The following AK9 variants were observed in gnomAD, a reference collection of about 807,000 sequenced individuals.
AK9 encodes the protein adenylate kinase domain containing 1.
In AK9, 191 loss-of-function variants were observed where a neutral mutation model predicts 239.6. That is an observed-to-expected ratio of 0.80 (90% CI 0.71 to 0.90). The LOEUF is 0.90. AK9 is among the 40% of genes least tolerant of loss of function. AK9 has a pLI of 0.00. For synonymous variants in AK9, 689 were observed against 721.0 expected (o/e 0.96, Z 0.71); for missense variants, 1,995 against 2,214.7 (o/e 0.90, Z 1.99).
rs185356851 is a variant in AK9, at chr6:109,497,402, C to T, written c.5315+63G>A. On this transcript the variant is annotated intron_variant, in intron 38 of 40. Transcript: ENST00000424296. ...CTCTCTCTCACACACTCCTCTCCCC[C>T]GTTCCCAGCATGTTGCATGCAACAC... The T allele has an allele frequency of 4.6e-5, 47 of 1,019,934 alleles. No homozygotes were observed. In the African/African-American group the frequency reaches 5.4e-4, roughly 12 times the overall value. 63.2% of individuals were successfully genotyped at this position (1,019,934 alleles called of 1,614,324 possible). A position where few individuals can be genotyped will look rare whatever the true frequency, so the allele number is the denominator to read the frequency against.
intron 17 of AK9, among the ~76,000 whole-genome samples, chr6:109,589,936 T>A (rs1211520162): frequency 6.6e-6 from 1 of 152,122 alleles, no homozygotes; most frequent in Non-Finnish European, 1.5e-5. Flanking sequence ...TGCTGGATTT[T>A]CTTTGTGTAT....
At chr6:109,515,828 T>C (rs1482220800) in intron 31 of AK9, 29 bp downstream of exon 31, 3 of 1,498,398 alleles carry the variant, frequency 2.0e-6, no homozygotes, top group East Asian at 2.5e-5. Context: ...ATAAGGAACA[T>C]GGCTTTCAGG....
intron 21 of AK9, among the ~76,000 whole-genome samples, chr6:109,572,734 A>G (rs1252946441): frequency 6.6e-6 from 1 of 152,198 alleles, no homozygotes; most frequent in Non-Finnish European, 1.5e-5. Flanking sequence ...ATCCAGTTAC[A>G]GGTATCTGAA....
intron 17 of AK9, among the ~76,000 whole-genome samples, chr6:109,603,872 A>T (rs1436534394): frequency 6.6e-6 from 1 of 152,210 alleles, no homozygotes; most frequent in Non-Finnish European, 1.5e-5. Context: ...CCTCCGAGCC[A>T]GGCGCAGGAT....
At chr6:109,623,512 T>G (rs1034150663) in intron 12 of AK9, among the ~76,000 whole-genome samples, 4 of 152,138 alleles carry the variant, frequency 2.6e-5, no homozygotes, top group Non-Finnish European at 4.4e-5. Context: ...AGCCCCAGCC[T>G]AGTGTCAGAT....
At chr6:109,547,846 CAAAAAAAA>C (rs55899214) in intron 25 of AK9, among the ~76,000 whole-genome samples, 3 of 121,850 alleles carry the variant, frequency 2.5e-5, no homozygotes, top group African/African-American at 1.0e-4. Context: ...AGCTCAGTAG[CAAAAAAAA>C]AAAAAAAAAA....
chr6:109,642,844 T>G (rs1797627061), intron 9 of AK9, among the ~76,000 whole-genome samples: 1 of 151,972 alleles, frequency 6.6e-6, no homozygotes, highest in Admixed American at 6.6e-5. Flanking sequence ...CTAGCAGACA[T>G]CCAATTGGAA....
intron 25 of AK9, among the ~76,000 whole-genome samples, chr6:109,546,626 G>C (rs535752613): frequency 4.5e-4 from 69 of 152,334 alleles, no homozygotes; most frequent in African/African-American, 1.6e-3. Flanking sequence ...AGTCTTCTGT[G>C]ATTGTGAGGA....
At chr6:109,582,444 T>C (rs1239460030) in intron 19 of AK9, among the ~76,000 whole-genome samples, 8 of 152,184 alleles carry the variant, frequency 5.3e-5, no homozygotes, top group Non-Finnish European at 1.2e-4. Context: ...CCAACCCTCA[T>C]GGATTACTTT....
rs538495228 is a variant in AK9, at chr6:109,660,233, T to C, written c.445-820A>G. On this transcript the variant is annotated intron_variant, in intron 6 of 40. Coordinates refer to ENST00000424296, the MANE Select transcript of AK9 (RefSeq NM_001145128.3). Reference sequence around the variant, plus strand: ...TATTAATGATGATGGTTTGAGGTTGTAAATTGTGCTCTGAATGTTTTTCAG... The same window carrying C: ...TATTAATGATGATGGTTTGAGGTTGCAAATTGTGCTCTGAATGTTTTTCAG... Among the ~76,000 whole-genome samples, 75 of 152,268 alleles carry C rather than the reference T, an allele frequency of 4.9e-4. 1 individual carries two copies. The highest frequency in any genetic ancestry group is 2.0e-4 in the Admixed American group (3 of 15,288).
intron 27 of AK9, among the ~76,000 whole-genome samples, chr6:109,535,777 T>G (rs1465358991): frequency 6.6e-6 from 1 of 152,256 alleles, no homozygotes; most frequent in Non-Finnish European, 1.5e-5. Context: ...TGAATTAATT[T>G]TTGTATAAGA....
chr6:109,668,205 A>C lies in AK9; in HGVS notation c.331+3714T>G, dbSNP rs548206805. On this transcript the variant is annotated intron_variant, in intron 5 of 40. Coordinates refer to ENST00000424296, the MANE Select transcript of AK9 (RefSeq NM_001145128.3). The stretch of plus-strand genomic sequence containing the variant: ...TTGGCTGCAGAAATGTCTTCTTTTG[A>C]GAAGTGTCTGTTCATATCCTTTGCC... 3.6e-3 allele frequency among the ~76,000 whole-genome samples: 546 copies of C among 150,550 alleles called. 1 individual carries two copies. Among genetic ancestry groups the C allele is most frequent in the South Asian group, 8.6e-3 (41 of 4,772 alleles).
chr6:109,660,080 A>G (rs1800227842), intron 6 of AK9, among the ~76,000 whole-genome samples: 1 of 152,198 alleles, frequency 6.6e-6, no homozygotes, highest in South Asian at 2.1e-4. Flanking sequence ...TACAATTAAA[A>G]CCATCCTTCA....
intron 19 of AK9, 58 bp downstream of exon 19, chr6:109,585,065 A>G (rs201380070): frequency 3.2e-6 from 3 of 943,116 alleles, no homozygotes; most frequent in Non-Finnish European, 3.9e-6. Context: ...TTGCAAGAAG[A>G]TATTTAACTG....
At position 109,516,618 on chromosome 6, in the gene AK9, T is replaced by A. The variant is rs1480443262; in HGVS notation, c.3658A>T (p.Ile1220Phe). ...TCTTCTTCAAGTTCTTCCTCACTAA[T>A]CTCTTCATCATCTCTAACAACATTC... ...RENVVRDDEE[I>F]SEEELEEDND... Residue 1220 changes from isoleucine to phenylalanine, a missense_variant, in exon 30 of 41, where the codon ATT becomes TTT. Around this residue, in one of 5 missense-constraint regions of AK9, gnomAD observed 1,290 missense variants for 1,392.7 expected, o/e 0.93. Transcript: ENST00000424296. 1.3e-6 allele frequency: 2 copies of A among 1,550,030 alleles called. No homozygotes were observed. The highest frequency in any genetic ancestry group is 1.7e-6 in the Non-Finnish European group (2 of 1,146,698).
chr6:109,647,343 C>T (rs1216854369), intron 8 of AK9, among the ~76,000 whole-genome samples: 6 of 152,092 alleles, frequency 3.9e-5, no homozygotes, highest in Non-Finnish European at 8.8e-5. Flanking sequence ...TCAGGAGACC[C>T]ATCTCACGTG....
intron 35 of AK9, among the ~76,000 whole-genome samples, chr6:109,500,635 C>A (rs1777514235): frequency 6.6e-6 from 1 of 152,186 alleles, no homozygotes; most frequent in East Asian, 1.9e-4. Context: ...ATCTCATCTG[C>A]AATGTACTAT....
intron 10 of AK9, among the ~76,000 whole-genome samples, chr6:109,637,982 T>C (rs1480628091): frequency 6.6e-6 from 1 of 152,206 alleles, no homozygotes; most frequent in Non-Finnish European, 1.5e-5. Context: ...GTGTTTGTAG[T>C]AAGCTTCCCA....
rs775648749 is a variant in AK9 at position 109,586,035 on chromosome 6, G to A, written c.1880C>T (p.Pro627Leu). The A allele has an allele frequency of 1.2e-5, 18 of 1,550,794 alleles. No individual in the cohort carries two copies. The highest frequency in any genetic ancestry group is 1.4e-5 in the Non-Finnish European group (16 of 1,146,754). The change falls in exon 18 of 41, where the codon CCA (proline) becomes CTA (leucine). Residue 627 changes from proline (P) to leucine (L), a missense_variant. This residue lies in a region of AK9 where 1,290 missense variants were observed against 1,392.7 expected (regional missense o/e 0.93). Coordinates refer to ENST00000424296, the MANE Select transcript of AK9 (RefSeq NM_001145128.3). ...EENKDRFPGA[P>L]KYGGWIVDNC... is the part of the protein sequence containing the mutation. ...GTCCACAATCCAGCCTCCATATTTTGGGGCACCAGGAAACCTATCCTTGTT... is the reference window on the plus strand; with the variant it reads ...GTCCACAATCCAGCCTCCATATTTTAGGGCACCAGGAAACCTATCCTTGTT...
Sources: allele counts gnomAD v4.1 joint callset (sites outside exome capture counted in the v4.1 genomes callset), GRCh38; gene constraint gnomAD v4.1.1; regional missense constraint gnomAD v4.1.1; transcripts MANE v1.5; gene names NCBI Gene and HGNC (gene_info 2026-07-23, HGNC 2026-07-21).